FOXJ3: variants seen among roughly 807,000 people sequenced by gnomAD.
FOXJ3 encodes forkhead box J3.
A neutral mutation model predicts 76.1 loss-of-function variants in FOXJ3; 22 were observed. The observed-to-expected ratio is 0.29, with a 90% CI of 0.21 to 0.41. The LOEUF (loss-of-function observed/expected upper bound fraction) is 0.41, where lower values mean the gene tolerates loss of function less well. Ranked by LOEUF, FOXJ3 falls within the 10% of genes least tolerant of loss-of-function variation. The pLI is 1.00. For missense variants in FOXJ3, 613 were observed against 762.1 expected (o/e 0.80, Z 2.30); for synonymous variants, 269 against 261.2 (o/e 1.03, Z -0.29).
chr1:42,257,272 C>T (rs965065675), intron 4 of FOXJ3, among the ~76,000 whole-genome samples: 2 of 152,138 alleles, frequency 1.3e-5, no homozygotes, highest in African/African-American at 4.8e-5. Flanking sequence ...AAAAATCAAT[C>T]AAGATACCCT....
In FOXJ3 at chr1:42,221,964, A is replaced by G. The variant is rs866589021; in HGVS notation, c.528+5919T>C. On this transcript the variant is annotated intron_variant, in intron 5 of 12. Coordinates refer to ENST00000361346, the MANE Select transcript of FOXJ3 (RefSeq NM_014947.5). ...CCTGTCTCTATTAAAAAAAAAAAAA[A>G]AAGAAGAAGGGGGAGGGGGAGGGGG... 2.2e-3 allele frequency among the ~76,000 whole-genome samples: 139 copies of G among 63,280 alleles called. 8 individuals carry two copies. The highest frequency in any genetic ancestry group is 3.8e-3 in the Non-Finnish European group (119 of 31,668). 41.5% of individuals were successfully genotyped at this position (63,280 alleles called of 152,430 possible).
At chr1:42,240,014 T>G (rs1649006078) in intron 4 of FOXJ3, among the ~76,000 whole-genome samples, 1 of 152,196 alleles carries the variant, frequency 6.6e-6, no homozygotes, top group South Asian at 2.1e-4. Flanking sequence ...ATTTAGGATT[T>G]GCCAAATATT....
intron 5 of FOXJ3, among the ~76,000 whole-genome samples, chr1:42,220,538 G>A (rs566179258): frequency 2.0e-5 from 3 of 152,234 alleles, no homozygotes; most frequent in Admixed American, 6.5e-5. Flanking sequence ...TTCTCCTCGA[G>A]GGCTTTTTTT....
In FOXJ3 at chr1:42,185,987, A is replaced by G. The variant is rs115420435; in HGVS notation, c.1645+2750T>C. Among the ~76,000 whole-genome samples the G allele has an allele frequency of 7.6e-3, 1,158 of 152,270 alleles. 12 individuals carry two copies. The highest frequency in any genetic ancestry group is 0.012 in the Non-Finnish European group (837 of 68,034). On this transcript the variant is annotated intron_variant, in intron 11 of 12. Coordinates refer to ENST00000361346, the MANE Select transcript of FOXJ3 (RefSeq NM_014947.5). Reference sequence around the variant, plus strand: ...GACCTACACCTAAATGAATTTTACAACATTGGGTAAGTCACTTTCTCCCCC... The same window carrying G: ...GACCTACACCTAAATGAATTTTACAGCATTGGGTAAGTCACTTTCTCCCCC...
chr1:42,280,403 C>CTTTA, intron 2 of FOXJ3: 1 of 196,878 alleles, frequency 5.1e-6, no homozygotes, highest in South Asian at 2.0e-4. Flanking sequence ...TGAACCTGAA[C>CTTTA]TTTAAATTCA....
intron 2 of FOXJ3, among the ~76,000 whole-genome samples, chr1:42,302,913 A>C (rs945274891): frequency 4.6e-5 from 7 of 151,762 alleles, no homozygotes; most frequent in Admixed American, 3.9e-4. Context: ...AAAAAAAAAA[A>C]CCTCCTGTCT....
chr1:42,261,120 C>G (rs1329436659), intron 4 of FOXJ3, among the ~76,000 whole-genome samples: 4 of 151,826 alleles, frequency 2.6e-5, no homozygotes, highest in Non-Finnish European at 5.9e-5. Context: ...CAGTAATCTG[C>G]TTTTCCCTGA....
chr1:42,259,518 T>C (rs1186996136), intron 4 of FOXJ3, among the ~76,000 whole-genome samples: 1 of 152,236 alleles, frequency 6.6e-6, no homozygotes, highest in Non-Finnish European at 1.5e-5. Context: ...AAAAGGCAGC[T>C]GCAACCACAC....
chr1:42,222,959 G>A (rs969137263), intron 5 of FOXJ3, among the ~76,000 whole-genome samples: 1 of 152,146 alleles, frequency 6.6e-6, no homozygotes, highest in African/African-American at 2.4e-5. Context: ...TTCTCAGACA[G>A]TACTAGTAAG....
intron 3 of FOXJ3, among the ~76,000 whole-genome samples, chr1:42,268,306 A>T (rs13376210): frequency 0.028 from 4,300 of 152,130 alleles, 201 homozygotes; most frequent in African/African-American, 0.099. Context: ...GTGACATCTT[A>T]AAATACTGAA....
intron 1 of FOXJ3, among the ~76,000 whole-genome samples, chr1:42,333,410 C>CA (rs966869082): frequency 5.9e-5 from 9 of 151,380 alleles, no homozygotes; most frequent in Admixed American, 1.3e-4. Flanking sequence ...TAGCCTCATC[C>CA]AAAAAAAATC....
intron 4 of FOXJ3, among the ~76,000 whole-genome samples, chr1:42,232,088 G>A (rs1456359225): frequency 6.6e-6 from 1 of 152,158 alleles, no homozygotes; most frequent in African/African-American, 2.4e-5. Flanking sequence ...TGAGAATGAT[G>A]GTTTCCAGCC....
intron 2 of FOXJ3, among the ~76,000 whole-genome samples, chr1:42,286,161 T>C (rs1412095493): frequency 6.6e-6 from 1 of 152,250 alleles, no homozygotes; most frequent in African/African-American, 2.4e-5. Context: ...CTTTATATTT[T>C]GTTATCATGT....
chr1:42,226,468 C>T (rs625508), intron 5 of FOXJ3, among the ~76,000 whole-genome samples: 2 of 152,066 alleles, frequency 1.3e-5, no homozygotes, highest in Non-Finnish European at 2.9e-5. Context: ...AAAAATTAGC[C>T]GGGCACAGTG....
At chr1:42,219,081 T>A (rs889803432) in intron 5 of FOXJ3, among the ~76,000 whole-genome samples, 94 of 152,348 alleles carry the variant, frequency 6.2e-4, no homozygotes, top group African/African-American at 2.0e-3. Context: ...TCCTCTCTTT[T>A]CCACAGTTTC....
At chr1:42,209,099 T>C (rs1003747126) in intron 5 of FOXJ3, among the ~76,000 whole-genome samples, 2 of 152,160 alleles carry the variant, frequency 1.3e-5, no homozygotes, top group African/African-American at 2.4e-5. Context: ...TAGGAAGCAA[T>C]GAAGTGAAAT....
At chr1:42,210,643 A>G (rs1646949949) in intron 5 of FOXJ3, among the ~76,000 whole-genome samples, 1 of 152,060 alleles carries the variant, frequency 6.6e-6, no homozygotes, top group Non-Finnish European at 1.5e-5. Context: ...TTGGCATTTG[A>G]GAAAGCCAAC....
chr1:42,305,479 G>C (rs891584743), intron 2 of FOXJ3, among the ~76,000 whole-genome samples: 1 of 152,186 alleles, frequency 6.6e-6, no homozygotes. Context: ...GTTCACAATA[G>C]CCAAGATTTG....
intron 4 of FOXJ3, among the ~76,000 whole-genome samples, chr1:42,257,970 T>G (rs1333608942): frequency 6.6e-6 from 1 of 152,184 alleles, no homozygotes; most frequent in Non-Finnish European, 1.5e-5. Flanking sequence ...ATTACCTGAT[T>G]AAGTACAAAT....
Sources: gnomAD v4.1 joint callset for allele counts (sites outside exome capture counted in the v4.1 genomes callset) on GRCh38, gnomAD v4.1.1 for gene constraint, MANE v1.5 for transcripts, NCBI Gene and HGNC (gene_info 2026-07-23, HGNC 2026-07-21) for gene names.